ENTPD1: variants seen among roughly 807,000 people sequenced by gnomAD.
ENTPD1 encodes the protein ATP diphosphohydrolase.
Under a neutral mutation model 57.0 loss-of-function variants are expected in ENTPD1, and 33 were observed. The observed-to-expected ratio is 0.58, with a 90% CI of 0.44 to 0.77. The LOEUF (loss-of-function observed/expected upper bound fraction) is 0.77, where lower values mean the gene tolerates loss of function less well. ENTPD1 is among the 30% of genes least tolerant of loss of function. The pLI is 0.00. For synonymous variants in ENTPD1, 202 were observed against 218.8 expected (o/e 0.92, Z 0.68); for missense variants, 501 against 603.4 (o/e 0.83, Z 1.78).
At position 95,874,191 on chromosome 10, in the gene ENTPD1, G is replaced by A. The variant is rs2098483429; in HGVS notation, c.*7808G>A. Reference sequence around the variant, plus strand: ...CAAAGTCTCATCTGAGACAAGGCAAGTCCCTTCCACTTACAAGCCTGTAAA... The same window carrying A: ...CAAAGTCTCATCTGAGACAAGGCAAATCCCTTCCACTTACAAGCCTGTAAA... On this transcript the variant is annotated 3_prime_UTR_variant, in exon 10 of 10. Transcript: ENST00000371205. 6.6e-6 allele frequency among the ~76,000 whole-genome samples: 1 copy of A among 152,226 alleles called. No homozygotes were observed. The highest frequency in any genetic ancestry group is 6.5e-5 in the Admixed American group (1 of 15,286).
At chr10:95,790,884 C>T (rs2098201120) in intron 1 of ENTPD1, among the ~76,000 whole-genome samples, 1 of 152,140 alleles carries the variant, frequency 6.6e-6, no homozygotes, top group Non-Finnish European at 1.5e-5. Context: ...GGGAAATATA[C>T]TACAAGATTC....
chr10:95,808,756 G>C (rs2098283422), intron 1 of ENTPD1, among the ~76,000 whole-genome samples: 1 of 149,862 alleles, frequency 6.7e-6, no homozygotes, highest in South Asian at 2.1e-4. Flanking sequence ...GATCATTCTT[G>C]GGTGTTTCTC....
upstream of ENTPD1, chr10:95,755,811 T>C (rs529959707): frequency 6.2e-5 from 94 of 1,518,312 alleles, 1 homozygote; most frequent in South Asian, 1.1e-3. Context: ...CAGTAAGGAA[T>C]AGCTTTTTTT....
chr10:95,750,416 TG>T (rs965938423), intron 1 of ENTPD1, among the ~76,000 whole-genome samples: 1 of 152,150 alleles, frequency 6.6e-6, no homozygotes, highest in Non-Finnish European at 1.5e-5. Flanking sequence ...TTTAAGAGTC[TG>T]GCACCTCCCC....
intron 9 of ENTPD1, among the ~76,000 whole-genome samples, chr10:95,865,719 A>G (rs926440972): frequency 6.6e-6 from 1 of 152,140 alleles, no homozygotes; most frequent in African/African-American, 2.4e-5. Context: ...GATTATACCT[A>G]TGTCAAATTT....
chr10:95,696,090 GT>G, the ENTPD1 span, among the ~76,000 whole-genome samples: 2 of 152,090 alleles, frequency 1.3e-5, no homozygotes, highest in Non-Finnish European at 2.9e-5. Flanking sequence ...AAGACTGTTG[GT>G]TGAAGTAATT....
intron 1 of ENTPD1, among the ~76,000 whole-genome samples, chr10:95,720,421 T>C (rs2097976216): frequency 6.6e-6 from 1 of 152,038 alleles, no homozygotes; most frequent in Non-Finnish European, 1.5e-5. Flanking sequence ...TGTGAAAGAG[T>C]AATGTTCCCC....
intron 1 of ENTPD1, among the ~76,000 whole-genome samples, chr10:95,782,498 A>C (rs550635360): frequency 1.6e-4 from 25 of 152,332 alleles, no homozygotes; most frequent in African/African-American, 5.8e-4. Flanking sequence ...TTCCAAGAAA[A>C]AATTGGAAAC....
intron 1 of ENTPD1, among the ~76,000 whole-genome samples, chr10:95,748,027 A>T (rs1393519166): frequency 6.6e-6 from 1 of 151,992 alleles, no homozygotes; most frequent in African/African-American, 2.4e-5. Context: ...ATGCGCCACC[A>T]TGCCCGGCTA....
chr10:95,789,613 T>A (rs954616688), intron 1 of ENTPD1, among the ~76,000 whole-genome samples: 3 of 151,960 alleles, frequency 2.0e-5, no homozygotes, highest in Non-Finnish European at 4.4e-5. Flanking sequence ...CTGAAAAAAA[T>A]TAGGTAAAAG....
In ENTPD1 at chr10:95,876,377, T is replaced by C; in HGVS notation, c.*9994T>C. The C allele has an allele frequency of 3.2e-6, 4 of 1,231,326 alleles. No individual in the cohort carries two copies. Among genetic ancestry groups the C allele is most frequent in the Non-Finnish European group, 3.0e-6 (3 of 987,740 alleles). The allele number at this position is 1,231,326 out of a possible 1,614,324, so 76.3% of individuals were successfully genotyped here. A position where few individuals can be genotyped will look rare whatever the true frequency, so the allele number is the denominator to read the frequency against. ...CTTAGAATGAACTACTCAGCACCAA[T>C]TCTAAGTTTTTCTTGATGGTAAATC... On this transcript the variant is annotated 3_prime_UTR_variant, in exon 10 of 10. Transcript: ENST00000371205.
intron 1 of ENTPD1, among the ~76,000 whole-genome samples, chr10:95,744,242 A>G (rs2098003632): frequency 6.6e-6 from 1 of 151,916 alleles, no homozygotes; most frequent in African/African-American, 2.4e-5. Context: ...ATTCCAGTAT[A>G]CATGTATAGT....
chr10:95,727,876 T>C (rs1472212245), intron 1 of ENTPD1, among the ~76,000 whole-genome samples: 3 of 152,362 alleles, frequency 2.0e-5, no homozygotes, highest in African/African-American at 7.2e-5. Flanking sequence ...CTAGAATTTT[T>C]ATATGTGGAG....
chr10:95,794,497 AC>A (rs2098218359), intron 1 of ENTPD1, among the ~76,000 whole-genome samples: 1 of 152,030 alleles, frequency 6.6e-6, no homozygotes, highest in Non-Finnish European at 1.5e-5. Flanking sequence ...CAGTGCCAGG[AC>A]CCCAGCCCCC....
chr10:95,795,412 A>T (rs914690881), intron 1 of ENTPD1, among the ~76,000 whole-genome samples: 1 of 152,140 alleles, frequency 6.6e-6, no homozygotes, highest in East Asian at 1.9e-4. Context: ...AGGAAAGGAG[A>T]GCATGAATTC....
chr10:95,770,100 T>A (rs1375534490), intron 1 of ENTPD1, among the ~76,000 whole-genome samples: 1 of 151,080 alleles, frequency 6.6e-6, no homozygotes, highest in Non-Finnish European at 1.5e-5. Flanking sequence ...TGAGACAGGA[T>A]TTAAATCCAA....
At chr10:95,730,624 TAAG>T (rs1198857102) in intron 1 of ENTPD1, among the ~76,000 whole-genome samples, 1 of 152,236 alleles carries the variant, frequency 6.6e-6, no homozygotes, top group Non-Finnish European at 1.5e-5. Context: ...AGATTAGTGG[TAAG>T]AAAATAATTG....
At chr10:95,797,783 C>T (rs550177076) in intron 1 of ENTPD1, among the ~76,000 whole-genome samples, 46 of 152,292 alleles carry the variant, frequency 3.0e-4, no homozygotes, top group Admixed American at 4.6e-4. Flanking sequence ...ACCCCTGTGA[C>T]GCAAAAACTT....
rs965600765 is a variant in ENTPD1 at position 95,871,329 on chromosome 10, G to A, written c.*4946G>A. Reference sequence around the variant, plus strand: ...CAAAGAAATATTATCTTTAAAAAATGTCATTACTTCTAAGACATCATCAGT... The same window carrying A: ...CAAAGAAATATTATCTTTAAAAAATATCATTACTTCTAAGACATCATCAGT... On this transcript the variant is annotated 3_prime_UTR_variant, in exon 10 of 10. Transcript: ENST00000371205. 5.1e-6 allele frequency: 5 copies of A among 985,222 alleles called. No homozygotes were observed. The highest frequency in any genetic ancestry group is 6.1e-5 in the Admixed American group (1 of 16,268). 61.0% of individuals were successfully genotyped at this position (985,222 alleles called of 1,614,324 possible).
Sources: allele counts gnomAD v4.1 joint callset (sites outside exome capture counted in the v4.1 genomes callset), GRCh38; gene constraint gnomAD v4.1.1; transcripts MANE v1.5; gene names NCBI Gene and HGNC (gene_info 2026-07-23, HGNC 2026-07-21).